ECE1: variants seen among roughly 807,000 people sequenced by gnomAD.
ECE1 encodes endothelin-converting enzyme 1.
A neutral mutation model predicts 98.6 loss-of-function variants in ECE1; 35 were observed. The ratio of observed to expected loss-of-function variants is 0.35; its 90% confidence interval spans 0.27 to 0.47. The LOEUF is 0.47. Among genes scored for constraint, ECE1 ranks in the 20% least tolerant of loss-of-function variants. The probability of loss-of-function intolerance (pLI) is 1.00; values close to 1 mark genes in which losing one functional copy is unlikely to be tolerated. For synonymous variants in ECE1, 394 were observed against 407.1 expected (o/e 0.97, Z 0.39); for missense variants, 814 against 1,025.3 (o/e 0.79, Z 2.81).
intron 1 of ECE1, among the ~76,000 whole-genome samples, chr1:21,315,279 G>A (rs1429810648): frequency 6.6e-6 from 1 of 152,180 alleles, no homozygotes; most frequent in Non-Finnish European, 1.5e-5. Context: ...GTTGGTTCAG[G>A]CTGCCACCTC....
intron 1 of ECE1, among the ~76,000 whole-genome samples, chr1:21,333,843 A>G (rs926471111): frequency 6.6e-6 from 1 of 152,214 alleles, no homozygotes; most frequent in Non-Finnish European, 1.5e-5. Context: ...CAAAAAAAAA[A>G]AAATGACGGA....
intron 1 of ECE1, among the ~76,000 whole-genome samples, chr1:21,323,950 G>A (rs755487460): frequency 2.4e-4 from 36 of 151,584 alleles, no homozygotes; most frequent in Non-Finnish European, 4.3e-4. Flanking sequence ...TCCTTGAGTA[G>A]CTGGGATTAC....
intron 17 of ECE1, among the ~76,000 whole-genome samples, chr1:21,224,363 C>G (rs1347241567): frequency 6.6e-6 from 1 of 152,186 alleles, no homozygotes; most frequent in Non-Finnish European, 1.5e-5. Context: ...CCCTTCCAGC[C>G]TCCACTAAGA....
chr1:21,256,248 G>T, intron 7 of ECE1, 110 bp from the exon 8 acceptor site: 1 of 1,276,652 alleles, frequency 7.8e-7, no homozygotes, highest in Non-Finnish European at 1.1e-6. Flanking sequence ...CCAGGGGGCT[G>T]CACAGTGCCC....
intron 17 of ECE1, among the ~76,000 whole-genome samples, chr1:21,224,848 C>A (rs11590928): frequency 6.6e-6 from 1 of 152,264 alleles, no homozygotes; most frequent in African/African-American, 2.4e-5. Context: ...ACTCCAGAAC[C>A]GGGACTTGAA....
intron 9 of ECE1, among the ~76,000 whole-genome samples, chr1:21,245,898 T>TCTCTGCC (rs1042310878): frequency 3.2e-4 from 48 of 152,224 alleles, no homozygotes; most frequent in African/African-American, 1.1e-3. Context: ...TTCCCTCCTC[T>TCTCTGCC]CTCCTGCCCT....
chr1:21,254,645 G>A (rs1264837496), intron 8 of ECE1, among the ~76,000 whole-genome samples: 1 of 152,002 alleles, frequency 6.6e-6, no homozygotes, highest in Non-Finnish European at 1.5e-5. Context: ...GGGCCCCTCA[G>A]GCTGAGAAAT....
At chr1:21,320,302 G>C (rs1245361710) in intron 1 of ECE1, among the ~76,000 whole-genome samples, 1 of 152,222 alleles carries the variant, frequency 6.6e-6, no homozygotes, top group African/African-American at 2.4e-5. Flanking sequence ...TTATAAAATG[G>C]GGATGGTGAC....
Position 21,220,889 on chromosome 1 carries a change from G to A in ECE1, c.2137-758C>T, listed in dbSNP as rs1473208782. On this transcript the variant is annotated intron_variant, in intron 18 of 18. Coordinates refer to ENST00000374893, the MANE Select transcript of ECE1 (RefSeq NM_001397.3). This position sits in a 1 kb window ranked among gnomAD's most constrained non-coding sequence, Gnocchi z 5.0. ...GGAGTCAGGAGGGTCCCCTGAGCGGGTCAGGAAGAGACAGTGGGCTGGTGT... is the reference window on the plus strand; with the variant it reads ...GGAGTCAGGAGGGTCCCCTGAGCGGATCAGGAAGAGACAGTGGGCTGGTGT... Among the ~76,000 whole-genome samples the A allele has an allele frequency of 1.3e-5, 2 of 152,178 alleles. No individual in the cohort carries two copies. Among genetic ancestry groups the A allele is most frequent in the Admixed American group, 1.3e-4 (2 of 15,276 alleles).
chr1:21,225,461 T>A lies in ECE1; in HGVS notation c.1850-21A>T. 6.2e-7 allele frequency: 1 copy of A among 1,612,622 alleles called. No homozygotes were observed. Among genetic ancestry groups the A allele is most frequent in the East Asian group, 2.2e-5 (1 of 44,778 alleles). On this transcript the variant is annotated intron_variant, in intron 16 of 18. Coordinates refer to ENST00000374893, the MANE Select transcript of ECE1 (RefSeq NM_001397.3). The surrounding 1 kb of genome is among the most constrained non-coding windows in gnomAD (Gnocchi z 5.3). ...CCGTCCTGTGGGTCAGAGGGAGGCG[T>A]CATGTCAAGGGAGGGAGGGGCACAG...
chr1:21,260,126 C>T lies in ECE1; in HGVS notation c.615+145G>A, dbSNP rs2098224814. The T allele has an allele frequency of 1.2e-5, 16 of 1,293,816 alleles. No homozygotes were observed. The highest frequency in any genetic ancestry group is 3.9e-4 in the Middle Eastern group (2 of 5,072). 80.1% of individuals were successfully genotyped at this position (1,293,816 alleles called of 1,614,324 possible). ...ACACTCACATGTGCTCTCGCACACT[C>T]GCTCTCTCTCTTTCTGTCTTTCTCT... On this transcript the variant is annotated intron_variant, in intron 5 of 18. Transcript: ENST00000374893. The surrounding 1 kb of genome is among the most constrained non-coding windows in gnomAD (Gnocchi z 4.3).
chr1:21,238,392 C>T, intron 10 of ECE1, 148 bp from the exon 11 acceptor site: 2 of 711,292 alleles, frequency 2.8e-6, no homozygotes, highest in Non-Finnish European at 2.5e-6. Flanking sequence ...ATTTTAGTCA[C>T]CGGACCAAGA....
intron 16 of ECE1, among the ~76,000 whole-genome samples, chr1:21,226,251 ACT>A (rs2098174096): frequency 6.6e-6 from 1 of 151,990 alleles, no homozygotes; most frequent in African/African-American, 2.4e-5. Flanking sequence ...AGGAATGTCC[ACT>A]CTCTGCTAAA....
chr1:21,338,347 C>A (rs1415536626), intron 1 of ECE1, among the ~76,000 whole-genome samples: 1 of 152,204 alleles, frequency 6.6e-6, no homozygotes, highest in African/African-American at 2.4e-5. Flanking sequence ...TCACAACCAC[C>A]ACCATGACCA....
rs1638983072 is a variant in ECE1, at chr1:21,322,351, C to T, written c.3+23025G>A. Among the ~76,000 whole-genome samples the T allele has an allele frequency of 6.6e-6, 1 of 152,226 alleles. No homozygotes were observed. The highest frequency in any genetic ancestry group is 1.5e-5 in the Non-Finnish European group (1 of 68,044). On this transcript the variant is annotated intron_variant, in intron 1 of 18. Transcript: ENST00000415912. This position sits in a 1 kb window ranked among gnomAD's most constrained non-coding sequence, Gnocchi z 4.1. ...CCTCTAGCAAATGCTTCCATTCCCACAACCATGGGCACCTTGTGGAGGACT... is the reference window on the plus strand; with the variant it reads ...CCTCTAGCAAATGCTTCCATTCCCATAACCATGGGCACCTTGTGGAGGACT...
At chr1:21,282,355 A>T (rs930649902) in intron 2 of ECE1, among the ~76,000 whole-genome samples, 16 of 151,912 alleles carry the variant, frequency 1.1e-4, no homozygotes, top group South Asian at 2.1e-4. Context: ...TGGGAGGGTG[A>T]GGTGGGCGGA....
At position 21,337,562 on chromosome 1, in the gene ECE1, C is replaced by T. The variant is rs146682684; in HGVS notation, c.3+7814G>A. On this transcript the variant is annotated intron_variant, in intron 1 of 18. Coordinates refer to the ECE1 transcript ENST00000415912. ...TATACTATACCACAATTTTTAGAAA[C>T]GTACAATCTCTGCCCTCATGAGGTC... 6.9e-4 allele frequency among the ~76,000 whole-genome samples: 105 copies of T among 152,266 alleles called. No individual in the cohort carries two copies. In the East Asian group the frequency reaches 0.016, roughly 23 times the overall value.
At chr1:21,280,614 C>T (rs2098253300) in intron 2 of ECE1, among the ~76,000 whole-genome samples, 1 of 152,102 alleles carries the variant, frequency 6.6e-6, no homozygotes, top group South Asian at 2.1e-4. Flanking sequence ...CAAGGCTTGC[C>T]AGGAAGAGGG....
At chr1:21,279,936 G>A (rs1282079351) in intron 2 of ECE1, 2 of 161,162 alleles carry the variant, frequency 1.2e-5, no homozygotes, top group Non-Finnish European at 2.7e-5. Context: ...GGAACCCAAA[G>A]CTGTTGATGC....
Sources: allele counts gnomAD v4.1 joint callset (sites outside exome capture counted in the v4.1 genomes callset), GRCh38; gene constraint gnomAD v4.1.1; non-coding constraint Gnocchi (gnomAD v3.1); transcripts MANE v1.5; gene names NCBI Gene and HGNC (gene_info 2026-07-23, HGNC 2026-07-21).